The following DNAH8 variants were observed in gnomAD, a reference collection of about 807,000 sequenced individuals.
DNAH8 encodes the protein dynein axonemal heavy chain 8, also known as axonemal beta dynein heavy chain 8.
Under a neutral mutation model 562.1 loss-of-function variants are expected in DNAH8, and 382 were observed. The ratio of observed to expected loss-of-function variants is 0.68; its 90% CI spans 0.63 to 0.74. DNAH8 has a LOEUF of 0.74. Ranked by LOEUF, DNAH8 falls within the 30% of genes least tolerant of loss-of-function variation. The pLI, the probability that DNAH8 is intolerant of heterozygous loss-of-function variation, is 0.00. For missense variants in DNAH8, 5,203 were observed against 5,620.4 expected, an observed-to-expected ratio of 0.93 and a Z score of 2.37; for synonymous variants, 1,881 against 1,919.4, an observed-to-expected ratio of 0.98 and a Z score of 0.52.
At chr6:38,870,701 A>G (rs1238196591) in intron 49 of DNAH8, 139 bp downstream of exon 49, 1 of 864,942 alleles carries the variant, frequency 1.2e-6, no homozygotes, top group Non-Finnish European at 1.8e-6. Context: ...TGCAAAAAGA[A>G]TACTTGGAAG....
intron 62 of DNAH8, among the ~76,000 whole-genome samples, chr6:38,904,598 T>A (rs1225393472): frequency 6.6e-6 from 1 of 151,922 alleles, no homozygotes; most frequent in Non-Finnish European, 1.5e-5. Context: ...CGAGACTGGC[T>A]GGCCAACATG....
Position 38,852,719 on chromosome 6 carries a change from A to G in DNAH8, c.5492A>G (p.Asn1831Ser), listed in dbSNP as rs1775854771. The change falls in exon 40 of 93, where the codon AAC becomes AGC. Residue 1831 changes from asparagine to serine, a missense_variant. Physicochemically the swap from Asn to Ser is conservative, Grantham distance 46. Around this residue, in one of 6 missense-constraint regions of DNAH8, gnomAD observed 2,176 missense variants for 2,365.1 expected, o/e 0.92. Coordinates refer to ENST00000327475, the MANE Select transcript of DNAH8 (RefSeq NM_001206927.2). ...CCGCATCTCCCTGCAGTATCTGACA[A>G]CATCAATGAGGTGACATTTCATGCA... Reference protein sequence around the residue: ...IQPHLPAVSDNINEVTFHAKD... With the variant: ...IQPHLPAVSDSINEVTFHAKD... 1 of 1,613,712 alleles carries G rather than the reference A, an allele frequency of 6.2e-7. No homozygotes were observed. Among genetic ancestry groups the G allele is most frequent in the African/African-American group, 1.3e-5 (1 of 74,934 alleles).
intron 82 of DNAH8, among the ~76,000 whole-genome samples, chr6:38,967,166 G>A (rs575097085): frequency 8.7e-4 from 133 of 152,208 alleles, no homozygotes; most frequent in African/African-American, 3.1e-3. Flanking sequence ...AAAAACTCAC[G>A]GTTAATGTCA....
rs9366978 is a variant in DNAH8, at chr6:38,770,339, T to G, written c.1618-74T>G. The G allele has an allele frequency of 1.4e-3, 1,256 of 911,942 alleles. 25 individuals are homozygous for G. In the East Asian group the frequency reaches 0.026, roughly 19 times the overall value. The allele number at this position is 911,942 out of a possible 1,614,324, so 56.5% of individuals were successfully genotyped here. ...CAGTTTGATCAGTTCTGTGTGAGGGTAGAGTTTTTGAATTTTCGATTCCTG... is the reference window on the plus strand; with the variant it reads ...CAGTTTGATCAGTTCTGTGTGAGGGGAGAGTTTTTGAATTTTCGATTCCTG... On this transcript the variant is annotated intron_variant, in intron 11 of 92. Coordinates refer to ENST00000327475, the MANE Select transcript of DNAH8 (RefSeq NM_001206927.2).
At chr6:38,972,844 T>C (rs1037874085) in intron 83 of DNAH8, among the ~76,000 whole-genome samples, 2 of 152,176 alleles carry the variant, frequency 1.3e-5, no homozygotes, top group Admixed American at 6.5e-5. Context: ...TAATCCTGAA[T>C]GCTGTTTTCC....
chr6:38,822,669 C>CATG (rs1186931392), intron 26 of DNAH8, among the ~76,000 whole-genome samples, 169 bp from the exon 27 acceptor site: 1 of 152,074 alleles, frequency 6.6e-6, no homozygotes, highest in Non-Finnish European at 1.5e-5. Flanking sequence ...AATGAGAATA[C>CATG]ATGAAGATAG....
At chr6:38,968,196 T>TA (rs895082304) in intron 82 of DNAH8, among the ~76,000 whole-genome samples, 6 of 151,780 alleles carry the variant, frequency 4.0e-5, no homozygotes, top group African/African-American at 1.5e-4. Flanking sequence ...ACATACTTAG[T>TA]AAAAAAAATA....
intron 91 of DNAH8, among the ~76,000 whole-genome samples, chr6:39,024,274 A>T (rs1767127582): frequency 6.6e-6 from 1 of 152,234 alleles, no homozygotes; most frequent in Non-Finnish European, 1.5e-5. Context: ...CTTGTACATT[A>T]TGACCTTGTA....
At chr6:38,790,086 T>C (rs1008653759) in intron 19 of DNAH8, among the ~76,000 whole-genome samples, 2 of 152,012 alleles carry the variant, frequency 1.3e-5, no homozygotes, top group African/African-American at 4.8e-5. Context: ...ATCTAAATCA[T>C]GAGCATTTTT....
chr6:38,862,754 G>T (rs1237645024), intron 44 of DNAH8, among the ~76,000 whole-genome samples: 1 of 152,114 alleles, frequency 6.6e-6, no homozygotes, highest in East Asian at 1.9e-4. Flanking sequence ...ATAGCAAACA[G>T]GGGACACATG....
chr6:38,927,633 C>T (rs1782221845), intron 74 of DNAH8, among the ~76,000 whole-genome samples: 1 of 152,104 alleles, frequency 6.6e-6, no homozygotes, highest in South Asian at 2.1e-4. Flanking sequence ...GGCCCCATTC[C>T]CCTTGGCTCC....
intron 4 of DNAH8, among the ~76,000 whole-genome samples, chr6:38,731,637 ATATTTTTAATCAT>A (rs1162383027): frequency 6.6e-6 from 1 of 152,258 alleles, no homozygotes; most frequent in Non-Finnish European, 1.5e-5. Context: ...AAGGGTACAC[ATATTTTTAATCAT>A]TATTTTTGCT....
intron 22 of DNAH8, among the ~76,000 whole-genome samples, chr6:38,804,785 GAGAGAA>G (rs1374612406): frequency 6.3e-5 from 7 of 110,300 alleles, no homozygotes; most frequent in African/African-American, 2.3e-4. Context: ...GAGAGAGAGA[GAGAGAA>G]AGAGAAAACT....
rs2150363702 is a variant in DNAH8, at chr6:38,837,975, A to G, written c.4399A>G (p.Thr1467Ala). Residue 1467 changes from threonine to alanine, a missense_variant, in exon 33 of 93, where the codon ACG (threonine) becomes GCG (alanine). By Grantham distance (58) the Thr-to-Ala change is moderately conservative. This residue lies in a region of DNAH8 where 2,176 missense variants were observed against 2,365.1 expected (regional missense o/e 0.92). Transcript: ENST00000327475. ...SFDDLWRKFVTYSSGEQLFGL... is the reference protein window; with the variant it reads ...SFDDLWRKFVAYSSGEQLFGL... Reference sequence around the variant, plus strand: ...CGATGATCTGTGGAGGAAATTTGTTACGTATTCATCTGGTGAACAACTTTT... The same window carrying G: ...CGATGATCTGTGGAGGAAATTTGTTGCGTATTCATCTGGTGAACAACTTTT... The G allele has an allele frequency of 1.9e-6, 3 of 1,613,350 alleles. No individual in the cohort carries two copies. The highest frequency in any genetic ancestry group is 8.5e-7 in the Non-Finnish European group (1 of 1,179,574).
Position 38,994,288 on chromosome 6 carries a change from T to C in DNAH8, c.13214+4116T>C, listed in dbSNP as rs113003949. Among the ~76,000 whole-genome samples, 304 of 152,352 alleles carry C rather than the reference T, an allele frequency of 2.0e-3. 1 individual carries two copies. Among genetic ancestry groups the C allele is most frequent in the African/African-American group, 6.9e-3 (286 of 41,592 alleles). ...GTTAGGGATAACAACCCTTTGTTTG[T>C]GATGTGGATTGCAAATATTTTTCTC... On this transcript the variant is annotated intron_variant, in intron 88 of 92. Transcript: ENST00000327475.
At chr6:38,876,030 C>T (rs556167033) in intron 53 of DNAH8, among the ~76,000 whole-genome samples, 1 of 152,284 alleles carries the variant, frequency 6.6e-6, no homozygotes, top group East Asian at 1.9e-4. Context: ...AGACTCTTGA[C>T]TTCTCCTTTT....
At chr6:38,832,539 C>T in intron 31 of DNAH8, 104 bp downstream of exon 31, 1 of 655,600 alleles carries the variant, frequency 1.5e-6, no homozygotes, top group East Asian at 2.8e-5. Flanking sequence ...ATGTATGTGG[C>T]TATATTTGCG....
At chr6:38,745,892 G>A (rs563338032) in intron 8 of DNAH8, among the ~76,000 whole-genome samples, 3 of 152,176 alleles carry the variant, frequency 2.0e-5, no homozygotes, top group African/African-American at 7.2e-5. Context: ...TTCCCAGTAC[G>A]ACTTACCAGG....
intron 31 of DNAH8, among the ~76,000 whole-genome samples, chr6:38,832,966 C>T (rs1291110499): frequency 1.3e-5 from 2 of 151,316 alleles, no homozygotes; most frequent in Non-Finnish European, 2.9e-5. Context: ...GTTGGAAGGC[C>T]GTGAGAAACT....
Sources: allele counts gnomAD v4.1 joint callset (sites outside exome capture counted in the v4.1 genomes callset), GRCh38; gene constraint gnomAD v4.1.1; regional missense constraint gnomAD v4.1.1; transcripts MANE v1.5; gene names NCBI Gene and HGNC (gene_info 2026-07-23, HGNC 2026-07-21).